OPCML: variants seen among roughly 807,000 people sequenced by gnomAD.
The protein encoded by OPCML is opioid binding protein/cell adhesion molecule like.
A neutral mutation model predicts 37.8 loss-of-function variants in OPCML; 13 were observed. The observed-to-expected ratio is 0.34, with a 90% CI of 0.22 to 0.55. OPCML has a LOEUF of 0.55. Among genes scored for constraint, OPCML ranks in the 20% least tolerant of loss-of-function variants. The pLI, the probability that OPCML is intolerant of heterozygous loss-of-function variation, is 0.91. For synonymous variants in OPCML, 176 were observed against 168.8 expected (o/e 1.04, Z -0.33); for missense variants, 341 against 435.6 (o/e 0.78, Z 1.93).
intron 1 of OPCML, among the ~76,000 whole-genome samples, chr11:133,457,616 ACAC>A (rs893201468): frequency 2.0e-5 from 3 of 151,930 alleles, no homozygotes; most frequent in African/African-American, 7.3e-5. Flanking sequence ...ATGCTTTAAG[ACAC>A]CATATATATA....
chr11:133,083,224 G>A (rs555846709), intron 1 of OPCML, among the ~76,000 whole-genome samples: 1 of 152,212 alleles, frequency 6.6e-6, no homozygotes, highest in Non-Finnish European at 1.5e-5. Context: ...CTTTCCCGCG[G>A]GTGCACTGAG....
intron 3 of OPCML, among the ~76,000 whole-genome samples, chr11:132,588,012 C>A (rs970192918): frequency 1.3e-5 from 2 of 152,096 alleles, no homozygotes; most frequent in African/African-American, 4.8e-5. Flanking sequence ...CTTGGGGATA[C>A]AGAATGAGTC....
At chr11:132,474,718 G>A (rs547332825) in intron 4 of OPCML, among the ~76,000 whole-genome samples, 1 of 152,224 alleles carries the variant, frequency 6.6e-6, no homozygotes, top group African/African-American at 2.4e-5. Flanking sequence ...TCAGTTCCCT[G>A]TTTATGCTCC....
intron 1 of OPCML, among the ~76,000 whole-genome samples, chr11:133,179,366 G>A (rs1937711997): frequency 6.6e-6 from 1 of 152,174 alleles, no homozygotes; most frequent in South Asian, 2.1e-4. Context: ...ATAGGCAGGT[G>A]CAGTGAATTG....
intron 1 of OPCML, among the ~76,000 whole-genome samples, chr11:132,981,686 T>C (rs1946587418): frequency 6.6e-6 from 1 of 152,216 alleles, no homozygotes; most frequent in South Asian, 2.1e-4. Flanking sequence ...CCATCTTGGC[T>C]CACATGGTGA....
In OPCML at chr11:132,852,767, G is replaced by A. The variant is rs540739247; in HGVS notation, c.146+90159C>T. ...TTAAAATATTCCATACAACCAAAGA[G>A]AAAGCATACATCTAGCACTTAGGTA... On this transcript the variant is annotated intron_variant, in intron 2 of 7. Coordinates refer to ENST00000524381, the MANE Select transcript of OPCML (RefSeq NM_001012393.5). Among the ~76,000 whole-genome samples, 3 of 152,254 alleles carry A rather than the reference G, an allele frequency of 2.0e-5. No individual in the cohort carries two copies. The South Asian group carries it at 6.2e-4, about 32-fold the overall frequency.
chr11:132,978,797 A>G (rs1029947775), intron 1 of OPCML, among the ~76,000 whole-genome samples: 1 of 151,754 alleles, frequency 6.6e-6, no homozygotes. Context: ...TAGATTATAC[A>G]TGTGTATATA....
chr11:132,848,759 C>T (rs530553732), intron 2 of OPCML, among the ~76,000 whole-genome samples: 64 of 152,158 alleles, frequency 4.2e-4, no homozygotes, highest in Non-Finnish European at 8.8e-4. Context: ...CCTTATGCTG[C>T]CTCTCATCAG....
intron 4 of OPCML, among the ~76,000 whole-genome samples, chr11:132,474,491 G>T (rs2096148446): frequency 6.7e-6 from 1 of 149,412 alleles, no homozygotes; most frequent in Admixed American, 6.6e-5. Context: ...GATGTGATAG[G>T]TAGCAAAGAC....
chr11:133,057,033 G>A (rs11223348), intron 1 of OPCML, among the ~76,000 whole-genome samples: 46,333 of 151,880 alleles, frequency 0.31, 7,831 homozygotes, highest in South Asian at 0.42. Flanking sequence ...TAGTAGAGAC[G>A]GGGTTTCTCC....
chr11:132,652,385 CAG>C (rs796799724), intron 3 of OPCML, among the ~76,000 whole-genome samples: 3,487 of 126,786 alleles, frequency 0.028, 46 homozygotes, highest in African/African-American at 0.039. Context: ...CACACACACA[CAG>C]AGAGAGAAAT....
chr11:133,322,423 A>T (rs1252306795), intron 1 of OPCML, among the ~76,000 whole-genome samples: 1 of 152,230 alleles, frequency 6.6e-6, no homozygotes, highest in Non-Finnish European at 1.5e-5. Flanking sequence ...GGGATATGCA[A>T]ACAAATCGTC....
At chr11:132,561,360 A>G (rs780840070) in intron 3 of OPCML, among the ~76,000 whole-genome samples, 2 of 152,152 alleles carry the variant, frequency 1.3e-5, no homozygotes, top group African/African-American at 4.8e-5. Context: ...CTGGGTCCTC[A>G]TCTCCTCCAT....
intron 3 of OPCML, among the ~76,000 whole-genome samples, chr11:132,557,085 T>C (rs1038746242): frequency 1.3e-5 from 2 of 152,220 alleles, no homozygotes; most frequent in African/African-American, 4.8e-5. Context: ...CTTACCCTAG[T>C]TGACTGGGTA....
At chr11:133,067,145 A>G (rs1376846350) in intron 1 of OPCML, 1 of 152,224 alleles carries the variant, frequency 6.6e-6, no homozygotes, top group East Asian at 1.9e-4. Context: ...TTAAGTTTGC[A>G]GAGCACTTCC....
At chr11:133,532,190 T>G in intron 1 of OPCML, 74 bp downstream of exon 1, 6 of 1,567,418 alleles carry the variant, frequency 3.8e-6, no homozygotes, top group Non-Finnish European at 5.2e-6. Flanking sequence ...CCTCTCCATC[T>G]CCCCACTGCC....
intron 1 of OPCML, among the ~76,000 whole-genome samples, chr11:133,213,249 T>C (rs953397954): frequency 2.1e-5 from 3 of 145,346 alleles, no homozygotes; most frequent in Non-Finnish European, 3.0e-5. Context: ...TTTTGCCAAA[T>C]GTTGCTCATC....
intron 2 of OPCML, among the ~76,000 whole-genome samples, chr11:132,664,728 C>T (rs915576197): frequency 6.6e-5 from 10 of 152,186 alleles, no homozygotes; most frequent in African/African-American, 2.4e-4. Flanking sequence ...CATTTATTTC[C>T]TGAGTTACAA....
At chr11:132,887,672 T>G (rs2136449911) in intron 2 of OPCML, among the ~76,000 whole-genome samples, 1 of 152,336 alleles carries the variant, frequency 6.6e-6, no homozygotes, top group African/African-American at 2.4e-5. Flanking sequence ...GATCACTTTT[T>G]GCTTCCTTTT....
Sources: allele counts gnomAD v4.1 joint callset (sites outside exome capture counted in the v4.1 genomes callset), GRCh38; gene constraint gnomAD v4.1.1; transcripts MANE v1.5; gene names NCBI Gene and HGNC (gene_info 2026-07-23, HGNC 2026-07-21).